Variants in ADGRV1 observed in about 807,000 individuals in gnomAD.
ADGRV1 encodes adhesion G protein-coupled receptor V1, also known as G-protein coupled receptor 98.
ADGRV1 carries 359 observed loss-of-function variants against 596.2 expected under a neutral mutation model. The observed-to-expected ratio is 0.60, with a 90% CI of 0.55 to 0.66. The LOEUF (loss-of-function observed/expected upper bound fraction) is 0.66, where lower values mean the gene tolerates loss of function less well. ADGRV1 is among the 30% of genes least tolerant of loss of function. ADGRV1 has a pLI of 0.00. For missense variants in ADGRV1, 7,274 were observed against 7,575.6 expected, an observed-to-expected ratio of 0.96 and a Z score of 1.48; for synonymous variants, 2,681 against 2,679.2, an observed-to-expected ratio of 1.00 and a Z score of -0.02.
chr5:90,635,082 C>T, intron 9 of ADGRV1, 32 bp from the exon 10 acceptor site: 1 of 1,406,686 alleles, frequency 7.1e-7, no homozygotes, highest in Non-Finnish European at 9.9e-7. Flanking sequence ...TCTATCAATT[C>T]TTACTACTTT....
Position 90,644,001 on chromosome 5 carries a change from T to G in ADGRV1, c.2734+18T>G, listed in dbSNP as rs372642748. The G allele has an allele frequency of 4.0e-5, 58 of 1,459,300 alleles. No individual in the cohort carries two copies. In the African/African-American group the frequency reaches 7.1e-4, roughly 18 times the overall value. 90.4% of individuals were successfully genotyped at this position (1,459,300 alleles called of 1,614,324 possible). A position where few individuals can be genotyped will look rare whatever the true frequency, so the allele number is the denominator to read the frequency against. Reference sequence around the variant, plus strand: ...CTATAGTGGTAATTTATTCTGTGTCTTATATTGTATTTCTGTTTACTGAAG... The same window carrying G: ...CTATAGTGGTAATTTATTCTGTGTCGTATATTGTATTTCTGTTTACTGAAG... On this transcript the variant is annotated intron_variant, in intron 14 of 89. Transcript: ENST00000405460.
Position 90,759,555 on chromosome 5 carries a change from T to A in ADGRV1, c.12087T>A (p.Ser4029=), listed in dbSNP as rs572095112. 4 of 1,613,530 alleles carry A rather than the reference T, an allele frequency of 2.5e-6. No individual in the cohort carries two copies. The East Asian group carries it at 8.9e-5, about 36-fold the overall frequency. Residue 4029 remains serine (S), a synonymous_variant, in exon 58 of 90, where the codon TCT becomes TCA. Transcript: ENST00000405460. The part of the protein sequence containing the change: ...VVTVVIPQND[S]PFGVFGFEEK... ...CTGTTGTTATTCCACAAAATGATTC[T>A]CCATTTGGAGTATTTGGATTTGAAG...
intron 87 of ADGRV1, among the ~76,000 whole-genome samples, chr5:91,104,298 C>T (rs1399080869): frequency 6.6e-6 from 1 of 152,090 alleles, no homozygotes; most frequent in Non-Finnish European, 1.5e-5. Context: ...AAACACTTTT[C>T]ATTTTATTGT....
chr5:90,620,048 C>T (rs2152060583), intron 4 of ADGRV1, among the ~76,000 whole-genome samples: 1 of 151,928 alleles, frequency 6.6e-6, no homozygotes, highest in African/African-American at 2.4e-5. Flanking sequence ...GTGAATAGTG[C>T]CGCAATAAAA....
intron 83 of ADGRV1, among the ~76,000 whole-genome samples, chr5:90,942,010 C>T (rs1294377276): frequency 6.6e-6 from 1 of 152,038 alleles, no homozygotes; most frequent in Non-Finnish European, 1.5e-5. Context: ...TGGTAGATAC[C>T]CATGGGGTAA....
chr5:90,885,604 T>G (rs1770207040), intron 83 of ADGRV1, among the ~76,000 whole-genome samples: 1 of 152,080 alleles, frequency 6.6e-6, no homozygotes, highest in Non-Finnish European at 1.5e-5. Flanking sequence ...GTGATAAGCT[T>G]TGAGAGGAGA....
chr5:91,037,221 G>T (rs116564006), intron 85 of ADGRV1, among the ~76,000 whole-genome samples: 198 of 152,228 alleles, frequency 1.3e-3, no homozygotes, highest in Non-Finnish European at 2.5e-3. Flanking sequence ...TTTATAACAG[G>T]TACAAGCAAA....
intron 83 of ADGRV1, among the ~76,000 whole-genome samples, chr5:90,942,556 A>G (rs1776247709): frequency 6.6e-6 from 1 of 152,142 alleles, no homozygotes; most frequent in Non-Finnish European, 1.5e-5. Context: ...ATCTTTTTCT[A>G]GATCAGGGAT....
chr5:90,810,526 T>A lies in ADGRV1; in HGVS notation c.15266T>A (p.Phe5089Tyr). ...INDQLSEIEE[F>Y]FYINLTSVEI... is the part of the protein sequence containing the mutation. ...GATCAGCTTTCTGAGATAGAAGAAT[T>A]TTTTTACATTAACCTTACTTCAGTA... The change falls in exon 74 of 90, where the codon TTT becomes TAT. Residue 5089 changes from phenylalanine (F) to tyrosine (Y), a missense_variant. By Grantham distance (22) the Phe-to-Tyr change is conservative. Transcript: ENST00000405460. The A allele has an allele frequency of 1.2e-6, 2 of 1,613,792 alleles. No homozygotes were observed. Among genetic ancestry groups the A allele is most frequent in the Non-Finnish European group, 1.7e-6 (2 of 1,179,744 alleles).
intron 83 of ADGRV1, among the ~76,000 whole-genome samples, chr5:90,942,549 T>G (rs1386330866): frequency 1.3e-5 from 2 of 152,120 alleles, no homozygotes; most frequent in East Asian, 3.9e-4. Context: ...AAAGTTAATC[T>G]TTTTCTAGAT....
rs1223048883 is a variant in ADGRV1 at position 90,665,356 on chromosome 5, T to C, written c.4752+7078T>C. Among the ~76,000 whole-genome samples the C allele has an allele frequency of 2.4e-4, 37 of 151,666 alleles. No individual in the cohort carries two copies. The South Asian group carries it at 6.0e-3, about 25-fold the overall frequency. ...TTTAGTCTTGGGAGAGTGTATGTGT[T>C]GAGGAATTTATCCATTTCTTCTAGA... On this transcript the variant is annotated intron_variant, in intron 21 of 89. Coordinates refer to ENST00000405460, the MANE Select transcript of ADGRV1 (RefSeq NM_032119.4).
chr5:90,888,351 G>T (rs1483093658), intron 83 of ADGRV1, among the ~76,000 whole-genome samples: 1 of 151,594 alleles, frequency 6.6e-6, no homozygotes, highest in Non-Finnish European at 1.5e-5. Context: ...TTCTTAAAGA[G>T]AAAAAGTTTT....
intron 89 of ADGRV1, among the ~76,000 whole-genome samples, chr5:91,162,957 T>A (rs1346226890): frequency 6.6e-6 from 1 of 152,172 alleles, no homozygotes; most frequent in Non-Finnish European, 1.5e-5. Context: ...GCACACCCTA[T>A]GACCACATCC....
intron 34 of ADGRV1, among the ~76,000 whole-genome samples, chr5:90,702,567 A>T (rs1748042020): frequency 6.6e-6 from 1 of 151,960 alleles, no homozygotes; most frequent in South Asian, 2.1e-4. Context: ...CCTATAAGAA[A>T]TATTTGTTTA....
chr5:90,848,153 G>C (rs575301726), intron 78 of ADGRV1, among the ~76,000 whole-genome samples: 11 of 152,106 alleles, frequency 7.2e-5, no homozygotes, highest in African/African-American at 2.7e-4. Context: ...ATCTTGAAAA[G>C]GATTTTCTCA....
At chr5:90,813,132 C>CTAAAAAAA (rs1762588706) in intron 74 of ADGRV1, among the ~76,000 whole-genome samples, 1 of 34,914 alleles carries the variant, frequency 2.9e-5, no homozygotes. Flanking sequence ...GACTCCGTCT[C>CTAAAAAAA]AAAAAAAAAA....
At chr5:90,952,088 C>G (rs1379908969) in intron 83 of ADGRV1, among the ~76,000 whole-genome samples, 2 of 152,146 alleles carry the variant, frequency 1.3e-5, no homozygotes, top group African/African-American at 4.8e-5. Flanking sequence ...TCCAAAACTT[C>G]ATTATACTAT....
chr5:90,753,853 A>G (rs1321576981), intron 54 of ADGRV1, 24 bp downstream of exon 54: 7 of 1,543,328 alleles, frequency 4.5e-6, no homozygotes, highest in Non-Finnish European at 6.1e-6. Flanking sequence ...AATATCTTTC[A>G]AGTTTTAATG....
At chr5:90,994,101 A>T (rs1266507217) in intron 85 of ADGRV1, among the ~76,000 whole-genome samples, 2 of 147,302 alleles carry the variant, frequency 1.4e-5, no homozygotes, top group African/African-American at 5.1e-5. Flanking sequence ...CTTGTCATCC[A>T]GGCTGGACTG....
Sources: allele counts gnomAD v4.1 joint callset (sites outside exome capture counted in the v4.1 genomes callset), GRCh38; gene constraint gnomAD v4.1.1; transcripts MANE v1.5; gene names NCBI Gene and HGNC (gene_info 2026-07-23, HGNC 2026-07-21).